Variants in ARMH3 observed in about 807,000 individuals in gnomAD.
The protein encoded by ARMH3 is armadillo-like helical domain-containing protein 3.
In ARMH3, 60 loss-of-function variants were observed where a neutral mutation model predicts 99.1. The observed-to-expected ratio is 0.61, with a 90% CI of 0.49 to 0.75. The LOEUF (loss-of-function observed/expected upper bound fraction) is 0.75. ARMH3 is among the 30% of genes least tolerant of loss of function. The probability of loss-of-function intolerance (pLI) is 0.00; values close to 1 mark genes in which losing one functional copy is unlikely to be tolerated. For missense variants in ARMH3, 679 were observed against 843.1 expected, an observed-to-expected ratio of 0.81 and a Z score of 2.41; for synonymous variants, 285 against 292.8, an observed-to-expected ratio of 0.97 and a Z score of 0.27.
chr10:101,907,050 G>A (rs765483207), intron 23 of ARMH3, among the ~76,000 whole-genome samples: 1 of 152,186 alleles, frequency 6.6e-6, no homozygotes, highest in Non-Finnish European at 1.5e-5. Context: ...AAGCAGGGAT[G>A]AAAGAAGACA....
intron 20 of ARMH3, among the ~76,000 whole-genome samples, 163 bp downstream of exon 20, chr10:101,975,049 T>TAAAAAAAAAAAAAAAAAAAACAA (rs1845930130): frequency 3.4e-5 from 1 of 29,668 alleles, no homozygotes; most frequent in African/African-American, 1.4e-4. Context: ...AGCTAAAACG[T>TAAAAAAAAAAAAAAAAAAAACAA]AAAAAAAAAA....
At chr10:101,967,954 A>G (rs187402054) in intron 20 of ARMH3, among the ~76,000 whole-genome samples, 1 of 152,260 alleles carries the variant, frequency 6.6e-6, no homozygotes, top group Admixed American at 6.5e-5. Flanking sequence ...CATTCCTCTA[A>G]ATGAGTCAGA....
At chr10:101,996,222 A>G (rs1184829858) in intron 15 of ARMH3, among the ~76,000 whole-genome samples, 1 of 152,228 alleles carries the variant, frequency 6.6e-6, no homozygotes, top group African/African-American at 2.4e-5. Context: ...AAACAGACAA[A>G]TGGCTCATGA....
chr10:101,936,559 G>A (rs1843987159), intron 23 of ARMH3, among the ~76,000 whole-genome samples: 1 of 148,992 alleles, frequency 6.7e-6, no homozygotes, highest in African/African-American at 2.5e-5. Flanking sequence ...CTCTGAGGAA[G>A]GGTCAAAATG....
intron 23 of ARMH3, among the ~76,000 whole-genome samples, chr10:101,934,798 TTC>T (rs1381900247): frequency 5.3e-5 from 8 of 152,276 alleles, no homozygotes; most frequent in African/African-American, 1.9e-4. Flanking sequence ...TTTACTATCT[TTC>T]TCTCTTTTGA....
At chr10:101,919,824 G>T (rs1843233538) in intron 23 of ARMH3, among the ~76,000 whole-genome samples, 2 of 152,082 alleles carry the variant, frequency 1.3e-5, no homozygotes, top group Admixed American at 1.3e-4. Context: ...TTTTACTCTA[G>T]TATTTCTGGG....
At chr10:101,976,337 C>T (rs1421763669) in intron 19 of ARMH3, among the ~76,000 whole-genome samples, 1 of 118,968 alleles carries the variant, frequency 8.4e-6, no homozygotes, top group Non-Finnish European at 1.8e-5. Flanking sequence ...AAGACTGTCT[C>T]AAAAAAAAAA....
intron 24 of ARMH3, among the ~76,000 whole-genome samples, chr10:101,864,514 C>T (rs949590591): frequency 2.6e-5 from 4 of 152,138 alleles, no homozygotes; most frequent in Non-Finnish European, 5.9e-5. Context: ...CAATGATAGA[C>T]TGGATTAAGA....
At chr10:102,009,313 T>C (rs1030102437) in intron 13 of ARMH3, 61 bp downstream of exon 13, 1 of 1,461,452 alleles carries the variant, frequency 6.8e-7, no homozygotes, top group South Asian at 1.2e-5. Context: ...GGCTTTTCAA[T>C]GGAATTAATC....
chr10:101,981,920 G>A lies in ARMH3; in HGVS notation c.1407-6620C>T, dbSNP rs2135956077. Among the ~76,000 whole-genome samples, 4 of 151,190 alleles carry A rather than the reference G, an allele frequency of 2.6e-5. No homozygotes were observed. The South Asian group carries it at 8.4e-4, about 32-fold the overall frequency. On this transcript the variant is annotated intron_variant, in intron 19 of 25. Coordinates refer to ENST00000370033, the MANE Select transcript of ARMH3 (RefSeq NM_024541.3). The stretch of plus-strand genomic sequence containing the variant: ...TGTAGTCCCAGGTACTCGGGAGGCT[G>A]AGGCAGGAGAATGGCGTGAACTTGC...
intron 24 of ARMH3, among the ~76,000 whole-genome samples, chr10:101,883,124 T>C (rs879855560): frequency 7.9e-5 from 12 of 152,036 alleles, no homozygotes; most frequent in Non-Finnish European, 1.3e-4. Flanking sequence ...GTTTGAAAAG[T>C]AGGAATAGGG....
intron 4 of ARMH3, among the ~76,000 whole-genome samples, chr10:102,031,920 A>G (rs966707144): frequency 6.6e-6 from 1 of 151,950 alleles, no homozygotes; most frequent in Non-Finnish European, 1.5e-5. Context: ...TTGTATTTTT[A>G]GTAGAGATGG....
chr10:101,922,914 A>C (rs1465461955), intron 23 of ARMH3, among the ~76,000 whole-genome samples: 3 of 152,224 alleles, frequency 2.0e-5, no homozygotes, highest in African/African-American at 7.2e-5. Flanking sequence ...CATCATATGA[A>C]AATGGTGTCT....
intron 24 of ARMH3, among the ~76,000 whole-genome samples, chr10:101,883,789 C>T (rs991016257): frequency 6.6e-6 from 1 of 151,814 alleles, no homozygotes; most frequent in African/African-American, 2.4e-5. Flanking sequence ...CCCAGGAGTT[C>T]GAGACTAGCC....
chr10:101,966,152 G>GAGTGGTGC (rs1490793583), intron 20 of ARMH3, among the ~76,000 whole-genome samples: 1 of 147,310 alleles, frequency 6.8e-6, no homozygotes, highest in East Asian at 2.0e-4. Flanking sequence ...ACCCAGGCTG[G>GAGTGGTGC]AGTGGTGCAG....
chr10:101,990,686 T>G, intron 18 of ARMH3, 75 bp from the exon 19 acceptor site: 1 of 1,177,174 alleles, frequency 8.5e-7, no homozygotes, highest in Non-Finnish European at 1.3e-6. Flanking sequence ...GAAAAAAAGC[T>G]TCTGAGTACA....
At chr10:101,873,839 A>G (rs537303943) in intron 24 of ARMH3, among the ~76,000 whole-genome samples, 11 of 152,300 alleles carry the variant, frequency 7.2e-5, no homozygotes, top group South Asian at 6.2e-4. Context: ...TGGCTGAATA[A>G]TATTCCATGG....
chr10:101,962,295 C>T (rs1590091485), intron 20 of ARMH3, among the ~76,000 whole-genome samples: 1 of 152,146 alleles, frequency 6.6e-6, no homozygotes, highest in Admixed American at 6.5e-5. Context: ...AAAATACCAA[C>T]GTGAAGAGAC....
chr10:102,015,391 ATTTT>A (rs58969567), intron 8 of ARMH3, among the ~76,000 whole-genome samples: 5 of 141,978 alleles, frequency 3.5e-5, no homozygotes, highest in South Asian at 2.2e-4. Flanking sequence ...AGGTTTTGGG[ATTTT>A]TTTTTTTTTT....
Sources: gnomAD v4.1 joint callset for allele counts (sites outside exome capture counted in the v4.1 genomes callset) on GRCh38, gnomAD v4.1.1 for gene constraint, MANE v1.5 for transcripts, NCBI Gene and HGNC (gene_info 2026-07-23, HGNC 2026-07-21) for gene names.